OCRL: variants seen among roughly 807,000 people sequenced by gnomAD.
OCRL encodes OCRL inositol polyphosphate-5-phosphatase, also known as inositol polyphosphate 5-phosphatase OCRL.
A neutral mutation model predicts 78.9 loss-of-function variants in OCRL; 8 were observed. The observed-to-expected ratio is 0.10, with a 90% CI of 0.06 to 0.18. OCRL has a LOEUF of 0.18. Among genes scored for constraint, OCRL ranks in the 10% least tolerant of loss-of-function variants. The pLI is 1.00. For missense variants in OCRL, 454 were observed against 696.7 expected, an observed-to-expected ratio of 0.65 and a Z score of 3.92; for synonymous variants, 240 against 235.4, an observed-to-expected ratio of 1.02 and a Z score of -0.18.
intron 20 of OCRL, among the ~76,000 whole-genome samples, chrX:129,587,686 C>G (rs1481652518): frequency 9.1e-6 from 1 of 109,741 alleles, no homozygotes; most frequent in Non-Finnish European, 1.9e-5. Context: ...TTCAGTAGTA[C>G]TAGCATTTGA....
intron 4 of OCRL, among the ~76,000 whole-genome samples, chrX:129,552,533 C>T (rs1782606140): frequency 8.9e-6 from 1 of 111,739 alleles, no homozygotes; most frequent in South Asian, 3.7e-4. Flanking sequence ...GAAGCTATTC[C>T]CCTGCCTCAG....
At chrX:129,562,900 G>C (rs1936164949) in intron 12 of OCRL, 114 bp downstream of exon 12, 4 of 713,236 alleles carry the variant, frequency 5.6e-6, no homozygotes, top group Admixed American at 5.4e-5. Flanking sequence ...TACCAGTGAG[G>C]GATTGGGGTC....
chrX:129,558,826 C>G lies in OCRL; in HGVS notation c.561-14C>G. Reference sequence around the variant, plus strand: ...TAAACAATTTTACTTTTGAATCTCTCATTTATTTGCTAGGCTTCCACGTGA... The same window carrying G: ...TAAACAATTTTACTTTTGAATCTCTGATTTATTTGCTAGGCTTCCACGTGA... On this transcript the variant is annotated splice_polypyrimidine_tract_variant and intron_variant, in intron 7 of 23. Transcript: ENST00000371113. 8.3e-7 allele frequency: 1 copy of G among 1,211,925 alleles called. No individual in the cohort carries two copies. The highest frequency in any genetic ancestry group is 1.1e-6 in the Non-Finnish European group (1 of 895,368).
chrX:129,583,842 G>C (rs1936475602), intron 18 of OCRL, among the ~76,000 whole-genome samples: 1 of 111,338 alleles, frequency 9.0e-6, no homozygotes, highest in Non-Finnish European at 1.9e-5. Flanking sequence ...GGGGGCCTTT[G>C]AGGAGGGGAT....
At chrX:129,569,988 C>T (rs780960908) in intron 15 of OCRL, among the ~76,000 whole-genome samples, 40 of 109,813 alleles carry the variant, frequency 3.6e-4, no homozygotes, top group Non-Finnish European at 6.5e-4. Flanking sequence ...GGATTACAGG[C>T]GTGAGCCACC....
chrX:129,588,527 A>C (rs1234516951), intron 21 of OCRL, among the ~76,000 whole-genome samples: 1 of 111,618 alleles, frequency 9.0e-6, no homozygotes, highest in Non-Finnish European at 1.9e-5. Flanking sequence ...CACTGGTACT[A>C]TTCTCCTTCA....
rs1032203477 is a variant in OCRL at position 129,558,009 on chromosome X, G to T, written c.439+59G>T. 8.1e-6 allele frequency: 6 copies of T among 743,996 alleles called. No homozygotes were observed. In the African/African-American group the frequency reaches 1.2e-4, roughly 15 times the overall value. The allele number at this position is 743,996 out of a possible 1,213,427, so 61.3% of individuals were successfully genotyped here. A position where few individuals can be genotyped will look rare whatever the true frequency, so the allele number is the denominator to read the frequency against. On this transcript the variant is annotated intron_variant, in intron 6 of 23. Transcript: ENST00000371113. ...GGTCATTGCAGAGTCAGTAGATTTT[G>T]TCAGGCCAAATATGGTGATGTAGAT... is the stretch of plus-strand genomic sequence containing the variant.
At chrX:129,548,059 T>C (rs1935913094) in intron 3 of OCRL, among the ~76,000 whole-genome samples, 1 of 111,943 alleles carries the variant, frequency 8.9e-6, no homozygotes, top group Non-Finnish European at 1.9e-5. Context: ...GAAGGTATAC[T>C]CTGCCCCCAT....
chrX:129,575,528 T>C (rs1936358042), intron 16 of OCRL: 1 of 388,482 alleles, frequency 2.6e-6, no homozygotes, highest in Admixed American at 4.5e-5. Context: ...ACCCGGCACA[T>C]AGTAAGCCCT....
At chrX:129,555,000 TAAAA>T (rs78547580) in intron 4 of OCRL, among the ~76,000 whole-genome samples, 24 of 95,582 alleles carry the variant, frequency 2.5e-4, no homozygotes, top group South Asian at 1.5e-3. Context: ...AATAAATAAA[TAAAA>T]ATAAGAGGGT....
intron 14 of OCRL, among the ~76,000 whole-genome samples, chrX:129,568,935 C>T (rs192871741): frequency 8.9e-6 from 1 of 112,679 alleles, no homozygotes; most frequent in African/African-American, 3.2e-5. Context: ...ATTTTAAGAA[C>T]GTGCTATTTT....
chrX:129,587,193 A>C (rs1936523530), intron 20 of OCRL, 75 bp downstream of exon 20: 1 of 659,044 alleles, frequency 1.5e-6, no homozygotes, highest in East Asian at 3.2e-5. Context: ...ACCTCACGTC[A>C]GCATAGCGCT....
At chrX:129,553,684 G>T (rs1159035592) in intron 4 of OCRL, among the ~76,000 whole-genome samples, 1 of 112,015 alleles carries the variant, frequency 8.9e-6, no homozygotes, top group East Asian at 2.8e-4. Context: ...CCATGTGATA[G>T]CTTTATTTTT....
At chrX:129,565,716 C>T in intron 12 of OCRL, 56 bp from the exon 13 acceptor site, 1 of 921,712 alleles carries the variant, frequency 1.1e-6, no homozygotes, top group Non-Finnish European at 1.6e-6. Context: ...CTCCATCCTT[C>T]TCTGTTTTTT....
chrX:129,550,893 G>A (rs1390529143), intron 4 of OCRL, among the ~76,000 whole-genome samples: 5 of 108,903 alleles, frequency 4.6e-5, no homozygotes, highest in African/African-American at 1.7e-4. Context: ...TGCCTCAAGT[G>A]GTATTTCACT....
At position 129,567,254 on chromosome X, in the gene OCRL, C is replaced by T. The variant is rs751645388; in HGVS notation, c.1357C>T (p.Leu453=). Residue 453 remains leucine, a splice_region_variant and synonymous_variant, in exon 14 of 24, where the codon CTA becomes TTA. Transcript: ENST00000371113. ...DLQRLLKFDQ[L]NIQRTQKKAF... ...ATTTGATGCTTCTTTCTATCTGTAG[C>T]TAAATATTCAGCGCACACAGAAAAA... 1 of 1,175,169 alleles carries T rather than the reference C, an allele frequency of 8.5e-7. No individual in the cohort carries two copies. The highest frequency in any genetic ancestry group is 1.8e-5 in the South Asian group (1 of 56,113).
At chrX:129,565,986 C>G in intron 13 of OCRL, 103 bp downstream of exon 13, 1 of 569,235 alleles carries the variant, frequency 1.8e-6, no homozygotes, top group East Asian at 3.3e-5. Context: ...AAACGTCTTA[C>G]TGTCTTGTGA....
At chrX:129,550,596 C>T (rs1043331590) in intron 4 of OCRL, among the ~76,000 whole-genome samples, 1 of 110,830 alleles carries the variant, frequency 9.0e-6, no homozygotes, top group Non-Finnish European at 1.9e-5. Context: ...GCTGCTATTG[C>T]GAGTGGAGGT....
chrX:129,562,854 A>G, intron 12 of OCRL, 68 bp downstream of exon 12: 1 of 997,781 alleles, frequency 1.0e-6, no homozygotes, highest in Non-Finnish European at 1.4e-6. Context: ...TAGAGATTAA[A>G]TGTGAGATAC....
Sources: gnomAD v4.1 joint callset for allele counts (sites outside exome capture counted in the v4.1 genomes callset) on GRCh38, gnomAD v4.1.1 for gene constraint, MANE v1.5 for transcripts, NCBI Gene and HGNC (gene_info 2026-07-23, HGNC 2026-07-21) for gene names.